The following AGBL4 variants were observed in gnomAD, a reference collection of about 807,000 sequenced individuals.
AGBL4 encodes AGBL carboxypeptidase 4.
AGBL4 carries 58 observed loss-of-function variants against 66.4 expected under a neutral mutation model. The observed-to-expected ratio is 0.87, with a 90% CI of 0.71 to 1.09. The LOEUF (loss-of-function observed/expected upper bound fraction) is 1.09. Among genes scored for constraint, AGBL4 ranks in the 50% least tolerant of loss-of-function variants. AGBL4 has a pLI of 0.00. For synonymous variants in AGBL4, 234 were observed against 222.9 expected (o/e 1.05, Z -0.44); for missense variants, 579 against 631.0 (o/e 0.92, Z 0.88).
At chr1:48,639,578 T>G (rs1329742615) in intron 8 of AGBL4, among the ~76,000 whole-genome samples, 1 of 152,164 alleles carries the variant, frequency 6.6e-6, no homozygotes, top group Non-Finnish European at 1.5e-5. Flanking sequence ...TCCAATTAAG[T>G]TAAAGTTCAA....
chr1:49,045,149 T>C (rs981524058), intron 5 of AGBL4, among the ~76,000 whole-genome samples: 1 of 152,214 alleles, frequency 6.6e-6, no homozygotes, highest in Non-Finnish European at 1.5e-5. Context: ...TGCTAACCTG[T>C]ACTGCAGGCA....
chr1:49,371,644 A>T (rs1644347223), intron 3 of AGBL4, among the ~76,000 whole-genome samples: 1 of 152,166 alleles, frequency 6.6e-6, no homozygotes, highest in East Asian at 1.9e-4. Flanking sequence ...TTGCAATTTT[A>T]GTCACCCTTT....
intron 6 of AGBL4, among the ~76,000 whole-genome samples, chr1:48,785,349 T>C (rs1318000716): frequency 1.3e-5 from 2 of 152,062 alleles, no homozygotes; most frequent in African/African-American, 4.8e-5. Context: ...GTTGAATGAG[T>C]GCATGTCTGA....
intron 3 of AGBL4, among the ~76,000 whole-genome samples, chr1:49,491,982 A>G (rs963812873): frequency 6.6e-6 from 1 of 151,948 alleles, no homozygotes; most frequent in Non-Finnish European, 1.5e-5. Context: ...AACTAATAAT[A>G]AAATAGAATA....
chr1:49,159,645 C>G (rs995343797), intron 4 of AGBL4, among the ~76,000 whole-genome samples: 1 of 152,138 alleles, frequency 6.6e-6, no homozygotes, highest in Non-Finnish European at 1.5e-5. Context: ...GGATAATATC[C>G]TGAAGTGCAT....
At chr1:49,529,881 G>A (rs1650956868) in intron 3 of AGBL4, among the ~76,000 whole-genome samples, 1 of 151,808 alleles carries the variant, frequency 6.6e-6, no homozygotes, top group South Asian at 2.1e-4. Context: ...ATCATAAAAA[G>A]AGAGTGCATA....
At chr1:49,351,760 A>C (rs998549776) in intron 3 of AGBL4, among the ~76,000 whole-genome samples, 1 of 152,128 alleles carries the variant, frequency 6.6e-6, no homozygotes, top group Non-Finnish European at 1.5e-5. Flanking sequence ...GTAAATTTTC[A>C]TGTCAGTTTT....
intron 3 of AGBL4, among the ~76,000 whole-genome samples, chr1:49,302,417 T>A (rs942062306): frequency 3.3e-5 from 5 of 151,738 alleles, no homozygotes; most frequent in Non-Finnish European, 7.4e-5. Context: ...CACACCCAGC[T>A]AATTTTTTTG....
At chr1:48,592,445 C>T (rs1019233392) in intron 9 of AGBL4, among the ~76,000 whole-genome samples, 1 of 152,176 alleles carries the variant, frequency 6.6e-6, no homozygotes, top group African/African-American at 2.4e-5. Context: ...TATGTCTTGC[C>T]AAGCTCCCAG....
chr1:48,686,897 C>T (rs1310147861), intron 6 of AGBL4, among the ~76,000 whole-genome samples: 1 of 152,226 alleles, frequency 6.6e-6, no homozygotes, highest in Non-Finnish European at 1.5e-5. Flanking sequence ...GATACTTCCA[C>T]AAGGATTGGG....
the AGBL4 span, among the ~76,000 whole-genome samples, chr1:48,526,891 G>A: frequency 6.6e-5 from 10 of 152,272 alleles, no homozygotes; most frequent in South Asian, 2.1e-3. Flanking sequence ...AAGTAAATCT[G>A]TCTCCTTCAT....
At chr1:49,874,955 C>A (rs1646943635) in intron 1 of AGBL4, among the ~76,000 whole-genome samples, 2 of 141,524 alleles carry the variant, frequency 1.4e-5, no homozygotes, top group Admixed American at 7.2e-5. Flanking sequence ...AGGTATATCT[C>A]CCAATGCTAT....
intron 3 of AGBL4, among the ~76,000 whole-genome samples, chr1:49,679,916 G>A (rs529330309): frequency 6.6e-6 from 1 of 151,796 alleles, no homozygotes; most frequent in Non-Finnish European, 1.5e-5. Flanking sequence ...TACATGCATT[G>A]AACTGCATTA....
intron 5 of AGBL4, among the ~76,000 whole-genome samples, chr1:48,999,946 T>G (rs570677692): frequency 1.3e-5 from 2 of 152,268 alleles, no homozygotes; most frequent in African/African-American, 4.8e-5. Flanking sequence ...CTAGTTCTTT[T>G]CTCAGTCTTT....
At chr1:49,932,338 G>T (rs2148267212) in intron 1 of AGBL4, among the ~76,000 whole-genome samples, 1 of 152,100 alleles carries the variant, frequency 6.6e-6, no homozygotes, top group Non-Finnish European at 1.5e-5. Context: ...TCCCTATGTG[G>T]CACCTTATAA....
At chr1:49,000,446 C>T (rs1039223837) in intron 5 of AGBL4, among the ~76,000 whole-genome samples, 2 of 152,158 alleles carry the variant, frequency 1.3e-5, no homozygotes, top group African/African-American at 4.8e-5. Context: ...CATTGCTATA[C>T]CTCCAGCCTC....
chr1:49,275,245 T>C (rs1644144743), intron 3 of AGBL4, among the ~76,000 whole-genome samples: 1 of 152,200 alleles, frequency 6.6e-6, no homozygotes, highest in African/African-American at 2.4e-5. Context: ...CTTATCTACA[T>C]GGTTTCTTTA....
intron 5 of AGBL4, among the ~76,000 whole-genome samples, chr1:48,993,322 G>A (rs983096837): frequency 3.9e-5 from 6 of 151,990 alleles, no homozygotes; most frequent in Non-Finnish European, 1.5e-5. Context: ...GACTCTGCCT[G>A]ACACCCTATC....
intron 3 of AGBL4, among the ~76,000 whole-genome samples, chr1:49,270,861 T>C (rs533356852): frequency 6.6e-6 from 1 of 152,280 alleles, no homozygotes; most frequent in East Asian, 1.9e-4. Context: ...TTCCAAACAA[T>C]TGACGAGAAT....
Sources: gnomAD v4.1 joint callset for allele counts (sites outside exome capture counted in the v4.1 genomes callset) on GRCh38, gnomAD v4.1.1 for gene constraint, MANE v1.5 for transcripts, NCBI Gene and HGNC (gene_info 2026-07-23, HGNC 2026-07-21) for gene names.